JARID2: variants seen among roughly 807,000 people sequenced by gnomAD.
JARID2 encodes protein Jumonji.
Under a neutral mutation model 125.6 loss-of-function variants are expected in JARID2, and 21 were observed. The ratio of observed to expected loss-of-function variants is 0.17; its 90% CI spans 0.12 to 0.24. The LOEUF is 0.24. JARID2 is among the 10% of genes least tolerant of loss of function. The pLI, the probability that JARID2 is intolerant of heterozygous loss-of-function variation, is 1.00. For missense variants in JARID2, 1,303 were observed against 1,639.6 expected (o/e 0.79, Z 3.55); for synonymous variants, 736 against 661.6 (o/e 1.11, Z -1.73).
At chr6:15,497,504 G>T (rs1285516776) in intron 7 of JARID2, among the ~76,000 whole-genome samples, 1 of 152,070 alleles carries the variant, frequency 6.6e-6, no homozygotes, top group Non-Finnish European at 1.5e-5. Flanking sequence ...AAAAAAATTA[G>T]CCGGGCGTGG....
chr6:15,509,921 CAT>C (rs144428729), intron 12 of JARID2, among the ~76,000 whole-genome samples: 2,323 of 152,256 alleles, frequency 0.015, 57 homozygotes, highest in African/African-American at 0.053. Context: ...TTTCTTAAAA[CAT>C]GTGATTTAGG....
Position 15,296,622 on chromosome 6 carries a change from A to G in JARID2, c.45+50038A>G, listed in dbSNP as rs373767544. Among the ~76,000 whole-genome samples the G allele has an allele frequency of 3.9e-5, 6 of 152,230 alleles. No homozygotes were observed. In the South Asian group the frequency reaches 6.2e-4, roughly 16 times the overall value. On this transcript the variant is annotated intron_variant, in intron 1 of 17. Coordinates refer to ENST00000341776, the MANE Select transcript of JARID2 (RefSeq NM_004973.4). The stretch of plus-strand genomic sequence containing the variant: ...CAAATATAATATCCCCTTATCACCA[A>G]ATACTTCAGTGTCTATTTCCTAAAA...
rs905969315 is a variant in JARID2 at position 15,283,276 on chromosome 6, C to T, written c.45+36692C>T. Among the ~76,000 whole-genome samples, 6 of 149,884 alleles carry T rather than the reference C, an allele frequency of 4.0e-5. 1 individual carries two copies. The highest frequency in any genetic ancestry group is 1.5e-4 in the African/African-American group (6 of 40,396). On this transcript the variant is annotated intron_variant, in intron 1 of 17. Transcript: ENST00000341776. ...TACAGGTGTGAGCCACTGCGCCCGG[C>T]CGTTCTGGTATTTATTGAATATGTC...
chr6:15,504,666 TGC>T, intron 9 of JARID2, 74 bp downstream of exon 9: 7 of 937,210 alleles, frequency 7.5e-6, no homozygotes, highest in South Asian at 1.3e-5. Flanking sequence ...CATCCTGTCC[TGC>T]CCTGACCCCT....
At chr6:15,314,941 A>T (rs1762130047) in intron 1 of JARID2, 2 of 152,232 alleles carry the variant, frequency 1.3e-5, no homozygotes, top group Non-Finnish European at 2.9e-5. Flanking sequence ...AGCAGCACAT[A>T]TACTAAAATT....
intron 1 of JARID2, among the ~76,000 whole-genome samples, chr6:15,260,147 A>C (rs1375271464): frequency 6.6e-6 from 1 of 152,236 alleles, no homozygotes; most frequent in East Asian, 1.9e-4. Flanking sequence ...GGCAGAGATC[A>C]GATTTTTATT....
At chr6:15,430,231 T>C (rs889408418) in intron 3 of JARID2, among the ~76,000 whole-genome samples, 4 of 152,262 alleles carry the variant, frequency 2.6e-5, no homozygotes, top group African/African-American at 9.6e-5. Context: ...GTACAAGATG[T>C]ACTTTTGCTT....
chr6:15,437,324 CTG>C (rs1269437145), intron 3 of JARID2, among the ~76,000 whole-genome samples: 3 of 152,196 alleles, frequency 2.0e-5, no homozygotes, highest in Admixed American at 6.5e-5. Flanking sequence ...AAGGCAGAAA[CTG>C]TGTCTCCTTC....
At chr6:15,351,990 T>G (rs140581168) in intron 1 of JARID2, among the ~76,000 whole-genome samples, 1 of 152,308 alleles carries the variant, frequency 6.6e-6, no homozygotes, top group East Asian at 1.9e-4. Flanking sequence ...GGATAATCAC[T>G]GCGCCGAATC....
intron 3 of JARID2, among the ~76,000 whole-genome samples, chr6:15,412,177 A>T (rs1452731085): frequency 6.6e-6 from 1 of 152,206 alleles, no homozygotes; most frequent in African/African-American, 2.4e-5. Flanking sequence ...TTCTGGTCTC[A>T]TCAAGGTTTT....
At chr6:15,279,038 C>T (rs1257639762) in intron 1 of JARID2, among the ~76,000 whole-genome samples, 2 of 151,726 alleles carry the variant, frequency 1.3e-5, no homozygotes, top group African/African-American at 4.8e-5. Context: ...TTGCAGTGAG[C>T]CAAGATCGCA....
At chr6:15,440,342 C>T (rs1418569451) in intron 3 of JARID2, among the ~76,000 whole-genome samples, 2 of 152,156 alleles carry the variant, frequency 1.3e-5, no homozygotes, top group Non-Finnish European at 2.9e-5. Flanking sequence ...TGTCTGAGGT[C>T]ATGGAATGGT....
At chr6:15,458,665 A>G (rs1487858202) in intron 4 of JARID2, among the ~76,000 whole-genome samples, 1 of 152,236 alleles carries the variant, frequency 6.6e-6, no homozygotes, top group Non-Finnish European at 1.5e-5. Context: ...TAAATGCGTG[A>G]AAATGCTGGG....
chr6:15,328,961 A>C (rs979213807), intron 1 of JARID2, among the ~76,000 whole-genome samples: 1 of 152,222 alleles, frequency 6.6e-6, no homozygotes, highest in Non-Finnish European at 1.5e-5. Context: ...ACCAGCAGTA[A>C]AAGCCAGAGA....
chr6:15,306,361 T>C (rs191484392), intron 1 of JARID2, among the ~76,000 whole-genome samples: 2 of 133,932 alleles, frequency 1.5e-5, no homozygotes, highest in Non-Finnish European at 3.1e-5. Context: ...TGAGACGGAG[T>C]TTTGCTCTTG....
At chr6:15,374,481 T>G (rs1284269329) in intron 2 of JARID2, among the ~76,000 whole-genome samples, 1 of 152,254 alleles carries the variant, frequency 6.6e-6, no homozygotes, top group Non-Finnish European at 1.5e-5. Flanking sequence ...TAGTCTGTTC[T>G]GTAGGTCCTG....
intron 3 of JARID2, among the ~76,000 whole-genome samples, chr6:15,428,993 C>G (rs553073996): frequency 7.4e-5 from 11 of 149,094 alleles, no homozygotes; most frequent in African/African-American, 2.2e-4. Flanking sequence ...CTTGATAGCT[C>G]CATCCTCATA....
At chr6:15,363,120 G>A (rs1191559829) in intron 1 of JARID2, among the ~76,000 whole-genome samples, 1 of 152,172 alleles carries the variant, frequency 6.6e-6, no homozygotes, top group Non-Finnish European at 1.5e-5. Flanking sequence ...GTATTTTAGT[G>A]TGGCAGGAAA....
chr6:15,330,913 G>A (rs1350406297), intron 1 of JARID2, among the ~76,000 whole-genome samples: 1 of 152,132 alleles, frequency 6.6e-6, no homozygotes, highest in Admixed American at 6.5e-5. Context: ...CTTCTTTCAG[G>A]TTTTGGGAAA....
Sources: allele counts gnomAD v4.1 joint callset (sites outside exome capture counted in the v4.1 genomes callset), GRCh38; gene constraint gnomAD v4.1.1; transcripts MANE v1.5; gene names NCBI Gene and HGNC (gene_info 2026-07-23, HGNC 2026-07-21).